Variants in LBHD2 observed in about 807,000 individuals in gnomAD.
LBHD2 encodes LBH domain-containing protein 2.
At chr14:103,085,625 A>G (rs1238229580) in intron 1 of LBHD2, among the ~76,000 whole-genome samples, 2 of 152,084 alleles carry the variant, frequency 1.3e-5, no homozygotes, top group East Asian at 3.9e-4. Flanking sequence ...TCCCTAGGAC[A>G]CTCCGTGTCC....
Position 103,086,022 on chromosome 14 carries a change from C to A in LBHD2, c.10C>A (p.Pro4Thr), listed in dbSNP as rs1274097456. 5.0e-6 allele frequency: 2 copies of A among 398,544 alleles called. No individual in the cohort carries two copies. Among genetic ancestry groups the A allele is most frequent in the Non-Finnish European group, 8.8e-6 (2 of 226,136 alleles). The allele number at this position is 398,544 out of a possible 1,614,324, so 24.7% of individuals were successfully genotyped here. Residue 4 changes from proline to threonine, a missense_variant, in exon 2 of 4, where the codon CCC (proline) becomes ACC (threonine). Pro to Thr is a conservative substitution (Grantham distance 38). Transcript: ENST00000634353. ...CAGTGGCGGCAGCAGCATGAGCACC[C>A]CCCGGCCTGCTCCACCACAGCCAGG... MSTPRPAPPQPGAA... is the reference protein window; with the variant it reads MSTTRPAPPQPGAA...
chr14:103,086,507 G>A (rs190101705), intron 2 of LBHD2, among the ~76,000 whole-genome samples: 40 of 152,244 alleles, frequency 2.6e-4, no homozygotes, highest in Admixed American at 1.7e-3. Flanking sequence ...CACTGTGCCC[G>A]GCTTGTTGCT....
At chr14:103,086,270 G>T (rs1203943596) in intron 2 of LBHD2, among the ~76,000 whole-genome samples, 189 bp downstream of exon 2, 1 of 152,186 alleles carries the variant, frequency 6.6e-6, no homozygotes, top group Non-Finnish European at 1.5e-5. Context: ...GGAGTGTAAT[G>T]GCGTGATCTT....
In LBHD2 at chr14:103,090,017, AC is replaced by A; in HGVS notation, c.*221del. ...CGTGGTTTGAAGCAGAAATAAAGGC[AC>A]TTCCTGGTGGCCAGTAGGCACACTT... On this transcript the variant is annotated 3_prime_UTR_variant, in exon 4 of 4. Transcript: ENST00000634353. The A allele has an allele frequency of 2.6e-6, 1 of 386,684 alleles. No individual in the cohort carries two copies. Among genetic ancestry groups the A allele is most frequent in the Non-Finnish European group, 4.6e-6 (1 of 218,690 alleles). The allele number at this position is 386,684 out of a possible 1,614,324, so 24.0% of individuals were successfully genotyped here.
Position 103,085,981 on chromosome 14 carries a change from G to A in LBHD2, c.-32G>A, listed in dbSNP as rs1424902749. The A allele has an allele frequency of 3.0e-5, 12 of 398,554 alleles. No individual in the cohort carries two copies. Among genetic ancestry groups the A allele is most frequent in the African/African-American group, 6.2e-5 (3 of 48,624 alleles). 24.7% of individuals were successfully genotyped at this position (398,554 alleles called of 1,614,324 possible). On this transcript the variant is annotated 5_prime_UTR_variant, in exon 2 of 4. The change creates a new upstream start codon in the 5' untranslated region. Transcript: ENST00000634353. ...CACCCCATTTCTGCTCCCAGTCCTC[G>A]TGCAGCTTAGTGGCGCAGTGGCGGC...
intron 2 of LBHD2, among the ~76,000 whole-genome samples, chr14:103,086,777 T>C (rs1889640861): frequency 6.6e-6 from 1 of 151,592 alleles, no homozygotes; most frequent in Non-Finnish European, 1.5e-5. Context: ...AGAGCCCAGC[T>C]AGAGCCCAGC....
At chr14:103,085,051 G>C (rs1423277107) in intron 1 of LBHD2, among the ~76,000 whole-genome samples, 1 of 152,186 alleles carries the variant, frequency 6.6e-6, no homozygotes, top group African/African-American at 2.4e-5. Flanking sequence ...GCCTCAGTGG[G>C]ACCCCAGCTG....
Position 103,089,773 on chromosome 14 carries a change from C to T in LBHD2, c.303C>T (p.Asp101=). 2.5e-6 allele frequency: 1 copy of T among 398,658 alleles called. No homozygotes were observed. Among genetic ancestry groups the T allele is most frequent in the Non-Finnish European group, 4.4e-6 (1 of 226,074 alleles). The allele number at this position is 398,658 out of a possible 1,614,324, so 24.7% of individuals were successfully genotyped here. The change falls in exon 4 of 4, where the codon GAC becomes GAT. Residue 101 remains aspartate, a synonymous_variant. Transcript: ENST00000634353. ...GCAGCGAGTGTGCCTGCTCCGAGGA[C>T]CCAGCAGCCCCGGCCCGGGGATAGG... The part of the protein sequence containing the change: ...NAGSECACSE[D]PAAPARG
At chr14:103,088,731 T>C (rs568897410) in intron 3 of LBHD2, among the ~76,000 whole-genome samples, 1 of 152,206 alleles carries the variant, frequency 6.6e-6, no homozygotes, top group Non-Finnish European at 1.5e-5. Context: ...CGGTGGCTCA[T>C]GCCTATAATC....
Position 103,088,178 on chromosome 14 carries a change from G to A in LBHD2, c.163G>A (p.Gly55Arg). The A allele has an allele frequency of 2.5e-6, 1 of 398,638 alleles. No individual in the cohort carries two copies. The highest frequency in any genetic ancestry group is 2.1e-5 in the African/African-American group (1 of 48,758). The allele number at this position is 398,638 out of a possible 1,614,324, so 24.7% of individuals were successfully genotyped here. ...EPSEADPVES[G>R]ELRWPLESAQ... ...CAGCGAGGCGGACCCTGTGGAAAGT[G>A]GGGAGCTGCGCTGGCCCCTGGAGAG... The change falls in exon 3 of 4, where the codon GGG becomes AGG. Residue 55 changes from glycine (G) to arginine (R), a missense_variant. Coordinates refer to ENST00000634353, the MANE Select transcript of LBHD2 (RefSeq NM_001330236.2).
intron 1 of LBHD2, among the ~76,000 whole-genome samples, chr14:103,084,927 G>C (rs1889614329): frequency 6.6e-6 from 1 of 152,140 alleles, no homozygotes; most frequent in Admixed American, 6.5e-5. Flanking sequence ...GAGCAGTGGG[G>C]CACTGAGACA....
At chr14:103,088,377 G>A (rs1032690635) in intron 3 of LBHD2, 136 bp downstream of exon 3, 18 of 397,492 alleles carry the variant, frequency 4.5e-5, no homozygotes, top group African/African-American at 2.9e-4. Context: ...TCCTCCGCCC[G>A]CCTTGGAGTC....
chr14:103,086,807 C>T (rs1262070423), intron 2 of LBHD2, among the ~76,000 whole-genome samples: 2 of 152,064 alleles, frequency 1.3e-5, no homozygotes, highest in Non-Finnish European at 2.9e-5. Context: ...TGTTGGGGAG[C>T]AGTGGGGCTA....
chr14:103,088,464 G>A (rs1453112656), intron 3 of LBHD2, among the ~76,000 whole-genome samples: 3 of 152,246 alleles, frequency 2.0e-5, no homozygotes, highest in Admixed American at 2.0e-4. Flanking sequence ...TGCAAATGAG[G>A]TCCCTCATCC....
intron 3 of LBHD2, among the ~76,000 whole-genome samples, chr14:103,088,885 T>A (rs1185112410): frequency 1.3e-5 from 2 of 152,182 alleles, no homozygotes; most frequent in African/African-American, 4.8e-5. Flanking sequence ...TCCCAGCTAC[T>A]CTGAAGGCTG....
At chr14:103,089,020 G>A (rs752624200) in intron 3 of LBHD2, among the ~76,000 whole-genome samples, 13 of 152,182 alleles carry the variant, frequency 8.5e-5, no homozygotes, top group Non-Finnish European at 1.5e-4. Context: ...CTTCTGGGAG[G>A]ATTGTGTGAG....
intron 1 of LBHD2, among the ~76,000 whole-genome samples, chr14:103,085,303 G>T (rs1049836379): frequency 6.6e-6 from 1 of 152,184 alleles, no homozygotes; most frequent in Non-Finnish European, 1.5e-5. Flanking sequence ...TCTGACCAGG[G>T]CGTAGCCCCA....
At chr14:103,089,081 TG>T (rs1480907819) in intron 3 of LBHD2, among the ~76,000 whole-genome samples, 6 of 152,166 alleles carry the variant, frequency 3.9e-5, no homozygotes, top group Non-Finnish European at 8.8e-5. Context: ...GGCAGCAGGC[TG>T]GGCTGTGGGG....
chr14:103,087,709 G>C (rs1323621646), intron 2 of LBHD2, among the ~76,000 whole-genome samples: 1 of 152,250 alleles, frequency 6.6e-6, no homozygotes, highest in African/African-American at 2.4e-5. Flanking sequence ...GGAAGGGACT[G>C]GCAGGAGTCT....
Sources: gnomAD v4.1 joint callset for allele counts (sites outside exome capture counted in the v4.1 genomes callset) on GRCh38, gnomAD v4.1.1 for gene constraint, MANE v1.5 for transcripts, NCBI Gene and HGNC (gene_info 2026-07-23, HGNC 2026-07-21) for gene names.